The following CACNA1D variants were observed in gnomAD, a reference collection of about 807,000 sequenced individuals.
CACNA1D encodes the protein calcium voltage-gated channel subunit alpha1 D, also known as voltage-dependent L-type calcium channel subunit alpha-1D.
Under a neutral mutation model 257.1 loss-of-function variants are expected in CACNA1D, and 55 were observed. The ratio of observed to expected loss-of-function variants is 0.21; its 90% confidence interval spans 0.17 to 0.27. The LOEUF (loss-of-function observed/expected upper bound fraction) is 0.27, where lower values mean the gene tolerates loss of function less well. Among genes scored for constraint, CACNA1D ranks in the 10% least tolerant of loss-of-function variants. The probability of loss-of-function intolerance (pLI) is 1.00; values close to 1 mark genes in which losing one functional copy is unlikely to be tolerated. For missense variants in CACNA1D, 1,876 were observed against 2,784.0 expected, an observed-to-expected ratio of 0.67 and a Z score of 7.34; for synonymous variants, 980 against 1,014.9, an observed-to-expected ratio of 0.97 and a Z score of 0.65.
chr3:53,636,905 TA>T (rs1282123059), intron 3 of CACNA1D, among the ~76,000 whole-genome samples: 1 of 152,268 alleles, frequency 6.6e-6, no homozygotes, highest in Non-Finnish European at 1.5e-5. Context: ...ATTCAACGGT[TA>T]AGGTGACTTG....
intron 8 of CACNA1D, among the ~76,000 whole-genome samples, chr3:53,700,839 T>C (rs1328086506): frequency 2.4e-5 from 3 of 127,590 alleles, no homozygotes; most frequent in African/African-American, 1.1e-4. Flanking sequence ...GGATCCTTTC[T>C]TTTTCTTTTC....
chr3:53,599,422 T>G (rs1017604866), intron 3 of CACNA1D, among the ~76,000 whole-genome samples: 1 of 152,152 alleles, frequency 6.6e-6, no homozygotes, highest in Admixed American at 6.5e-5. Flanking sequence ...TTTTTTTATA[T>G]GAGTCGCAAA....
At chr3:53,606,365 ATT>A (rs1202497500) in intron 3 of CACNA1D, among the ~76,000 whole-genome samples, 2 of 152,242 alleles carry the variant, frequency 1.3e-5, no homozygotes, top group South Asian at 2.1e-4. Context: ...AGCTTCTCTC[ATT>A]CCAGAAATGT....
chr3:53,585,347 A>G (rs541140081), intron 3 of CACNA1D, among the ~76,000 whole-genome samples: 9 of 152,318 alleles, frequency 5.9e-5, no homozygotes, highest in African/African-American at 1.9e-4. Flanking sequence ...TCAACAATGC[A>G]TAGCATAGAT....
intron 3 of CACNA1D, among the ~76,000 whole-genome samples, chr3:53,589,401 C>A (rs1395904041): frequency 6.6e-6 from 1 of 152,062 alleles, no homozygotes; most frequent in Non-Finnish European, 1.5e-5. Context: ...GCTGTCCCTG[C>A]AGCATTTGGA....
intron 2 of CACNA1D, among the ~76,000 whole-genome samples, chr3:53,500,432 CA>C (rs34272886): frequency 0.52 from 58,721 of 112,968 alleles, 12,194 homozygotes; most frequent in South Asian, 0.63. Flanking sequence ...GACCCCATCT[CA>C]AAAAAAAAAA....
chr3:53,583,796 G>A (rs947918980), intron 3 of CACNA1D, among the ~76,000 whole-genome samples: 2 of 150,104 alleles, frequency 1.3e-5, no homozygotes, highest in Admixed American at 6.7e-5. Flanking sequence ...GTGCTGGAAT[G>A]ACAGAGCCAT....
intron 29 of CACNA1D, among the ~76,000 whole-genome samples, chr3:53,761,517 C>G (rs13319223): frequency 2.6e-5 from 4 of 152,210 alleles, no homozygotes; most frequent in African/African-American, 9.7e-5. Context: ...GCTGGACTTG[C>G]GAGGACTGGA....
chr3:53,610,013 G>A (rs1384061321), intron 3 of CACNA1D, among the ~76,000 whole-genome samples: 1 of 152,136 alleles, frequency 6.6e-6, no homozygotes, highest in Non-Finnish European at 1.5e-5. Context: ...TTAGAAATGT[G>A]TTTGTAAATT....
At chr3:53,639,292 G>C (rs947488496) in intron 3 of CACNA1D, among the ~76,000 whole-genome samples, 1 of 152,060 alleles carries the variant, frequency 6.6e-6, no homozygotes, top group South Asian at 2.1e-4. Context: ...AAATCACCGA[G>C]ATAAGAGGTT....
intron 3 of CACNA1D, among the ~76,000 whole-genome samples, chr3:53,508,217 C>G (rs2090940459): frequency 6.6e-6 from 1 of 152,114 alleles, no homozygotes; most frequent in Non-Finnish European, 1.5e-5. Context: ...TAGGTAAATG[C>G]ATGCCACGGT....
intron 3 of CACNA1D, among the ~76,000 whole-genome samples, chr3:53,505,819 G>A (rs1442901550): frequency 6.6e-6 from 1 of 152,194 alleles, no homozygotes; most frequent in Admixed American, 6.5e-5. Flanking sequence ...CAAGAGTGCT[G>A]GGACCTGTCT....
intron 3 of CACNA1D, among the ~76,000 whole-genome samples, chr3:53,547,648 G>C (rs1008973359): frequency 1.3e-5 from 2 of 152,134 alleles, no homozygotes; most frequent in African/African-American, 4.8e-5. Flanking sequence ...GAAGAAACGA[G>C]GCAGGGAAGT....
intron 3 of CACNA1D, among the ~76,000 whole-genome samples, chr3:53,639,290 G>A (rs1183916263): frequency 1.3e-5 from 2 of 152,086 alleles, no homozygotes; most frequent in East Asian, 1.9e-4. Context: ...GGAAATCACC[G>A]AGATAAGAGG....
chr3:53,677,895 A>C (rs909218711), intron 8 of CACNA1D, among the ~76,000 whole-genome samples: 6 of 152,220 alleles, frequency 3.9e-5, no homozygotes, highest in Admixed American at 1.3e-4. Flanking sequence ...TACTTTCCTC[A>C]TCTGTGAAAT....
intron 3 of CACNA1D, among the ~76,000 whole-genome samples, chr3:53,543,860 A>C (rs947765708): frequency 6.6e-6 from 1 of 152,214 alleles, no homozygotes; most frequent in African/African-American, 2.4e-5. Flanking sequence ...GGGGCAATGG[A>C]ATTTTTAACA....
rs2095456300 is a variant in CACNA1D at position 53,786,838 on chromosome 3, G to A, written c.4809G>A (p.Val1603=). The change falls in exon 40 of 48, where the codon GTG becomes GTA. Residue 1603 remains valine (V), a synonymous_variant. Coordinates refer to ENST00000350061, the MANE Select transcript of CACNA1D (RefSeq NM_001128840.3). ...VPPAGDDEVT[V]GKFYATFLIQ... ...TCCGTTTAGATGATGAGGTAACCGT[G>A]GGGAAGTTCTATGCCACTTTCCTGA... 6.2e-7 allele frequency: 1 copy of A among 1,613,260 alleles called. No individual in the cohort carries two copies. Among genetic ancestry groups the A allele is most frequent in the Non-Finnish European group, 8.5e-7 (1 of 1,179,598 alleles).
At chr3:53,762,225 C>CT (rs2095307416) in intron 30 of CACNA1D, 144 bp downstream of exon 30, 1 of 714,274 alleles carries the variant, frequency 1.4e-6, no homozygotes, top group South Asian at 1.5e-5. Flanking sequence ...CTAATGAGAG[C>CT]TGTAGGCAAG....
rs144859708 is a variant in CACNA1D, at chr3:53,547,404, G to A, written c.483+45684G>A. 3.1e-4 allele frequency among the ~76,000 whole-genome samples: 47 copies of A among 152,268 alleles called. No homozygotes were observed. In the East Asian group the frequency reaches 8.1e-3, roughly 26 times the overall value. On this transcript the variant is annotated intron_variant, in intron 3 of 47. Transcript: ENST00000350061. ...GACAGACTTAAAAAAATATTATGGC[G>A]TCAATTGATTCTCTTTATTTTCTGC...
Sources: gnomAD v4.1 joint callset for allele counts (sites outside exome capture counted in the v4.1 genomes callset) on GRCh38, gnomAD v4.1.1 for gene constraint, MANE v1.5 for transcripts, NCBI Gene and HGNC (gene_info 2026-07-23, HGNC 2026-07-21) for gene names.